RTN4: variants seen among roughly 807,000 people sequenced by gnomAD.
RTN4 encodes reticulon 4.
A neutral mutation model predicts 90.4 loss-of-function variants in RTN4; 32 were observed. The observed-to-expected ratio is 0.35, with a 90% CI of 0.27 to 0.48. The LOEUF (loss-of-function observed/expected upper bound fraction) is 0.48, where lower values mean the gene tolerates loss of function less well. Among genes scored for constraint, RTN4 ranks in the 20% least tolerant of loss-of-function variants. The pLI is 0.99. For synonymous variants in RTN4, 629 were observed against 552.5 expected, an observed-to-expected ratio of 1.14 and a Z score of -1.94; for missense variants, 1,706 against 1,430.2, an observed-to-expected ratio of 1.19 and a Z score of -3.11.
At chr2:54,989,818 C>A (rs143780318) in intron 3 of RTN4, among the ~76,000 whole-genome samples, 276 of 152,228 alleles carry the variant, frequency 1.8e-3, no homozygotes, top group African/African-American at 5.9e-3. Context: ...AGAATGAATG[C>A]GACCTAGAAA....
intron 3 of RTN4, among the ~76,000 whole-genome samples, chr2:55,023,788 C>G (rs1558816357): frequency 6.6e-6 from 1 of 152,140 alleles, no homozygotes; most frequent in Admixed American, 6.6e-5. Flanking sequence ...TAGCCATGCC[C>G]ATGCACACCA....
At chr2:55,116,200 T>TTA (rs963493858), upstream of RTN4, among the ~76,000 whole-genome samples, 4 of 150,614 alleles carry the variant, frequency 2.7e-5, no homozygotes, top group African/African-American at 9.8e-5. Flanking sequence ...AGTGCTAGGA[T>TTA]TATAGGCATG....
Position 55,033,091 on chromosome 2 carries a change from A to C in RTN4, c.557-4871T>G, listed in dbSNP as rs528735023. ...GAAAAAATGGCCTAAAATTGGACAG[A>C]AGTTGGCATTTTGAAAATACCAACC... On this transcript the variant is annotated intron_variant, in intron 1 of 8. Coordinates refer to ENST00000337526, the MANE Select transcript of RTN4 (RefSeq NM_020532.5). Among the ~76,000 whole-genome samples the C allele has an allele frequency of 7.9e-5, 12 of 152,030 alleles. No individual in the cohort carries two copies. The South Asian group carries it at 1.9e-3, about 24-fold the overall frequency.
chr2:54,998,205 G>A (rs760677695), intron 3 of RTN4, among the ~76,000 whole-genome samples: 3 of 147,496 alleles, frequency 2.0e-5, no homozygotes, highest in Admixed American at 1.3e-4. Flanking sequence ...GGGAAGAGGA[G>A]TGACTGCTAG....
At chr2:54,992,945 G>A (rs1451073484) in intron 3 of RTN4, among the ~76,000 whole-genome samples, 3 of 151,720 alleles carry the variant, frequency 2.0e-5, no homozygotes, top group Non-Finnish European at 2.9e-5. Flanking sequence ...TTGGTGGTGG[G>A]CACCTGTAGT....
chr2:55,050,115 C>A lies in RTN4; in HGVS notation c.186G>T (p.Gly62=). ...CGGTGGGCACTGGGGCCGCGGACAG[C>A]CCGGCGGCGGGCTTCCTCTCCAGCA... ...LEVLERKPAA[G]LSAAPVPTAP... Residue 62 remains glycine (G), a synonymous_variant, in exon 1 of 9, where the codon GGG becomes GGT. Transcript: ENST00000337526. The surrounding 1 kb of genome is among the most constrained non-coding windows in gnomAD (Gnocchi z 4.6). The A allele has an allele frequency of 6.6e-7, 1 of 1,506,080 alleles. No individual in the cohort carries two copies. The allele number at this position is 1,506,080 out of a possible 1,614,324, so 93.3% of individuals were successfully genotyped here.
At chr2:55,126,657 C>T in the RTN4 span, among the ~76,000 whole-genome samples, 722 of 152,280 alleles carry the variant, frequency 4.7e-3, 3 homozygotes, top group Admixed American at 0.01. Flanking sequence ...ACCATTCGAC[C>T]CAGCAATCCC....
the RTN4 span, among the ~76,000 whole-genome samples, chr2:55,122,861 C>A: frequency 6.6e-5 from 10 of 152,358 alleles, no homozygotes; most frequent in African/African-American, 2.2e-4. Flanking sequence ...CAGCCAGAGC[C>A]CTGGGACAGG....
At position 55,049,802 on chromosome 2, in the gene RTN4, C is replaced by A. The variant is rs774502943; in HGVS notation, c.499G>T (p.Ala167Ser). ...GCGGCCGGGGTGGAGGGGGGCGCGG[C>A]GGGAGCCGGGGCTGGCGGGGTCCAC... ...PVWTPPAPAPAAPPSTPAAPK... is the reference protein window; with the variant it reads ...PVWTPPAPAPSAPPSTPAAPK... Residue 167 changes from alanine to serine, a missense_variant, in exon 1 of 9, where the codon GCC (alanine) becomes TCC (serine). By Grantham distance (99) the Ala-to-Ser change is moderately conservative. Transcript: ENST00000337526. 3.5e-6 allele frequency: 4 copies of A among 1,138,956 alleles called. No homozygotes were observed. The highest frequency in any genetic ancestry group is 1.1e-4 in the East Asian group (2 of 18,608). 70.6% of individuals were successfully genotyped at this position (1,138,956 alleles called of 1,614,324 possible).
intron 3 of RTN4, among the ~76,000 whole-genome samples, chr2:55,009,791 C>T (rs866898917): frequency 2.2e-4 from 33 of 152,140 alleles, no homozygotes; most frequent in African/African-American, 6.3e-4. Context: ...ATCCAAGTGA[C>T]GAACAAATGA....
chr2:54,996,053 G>A (rs538298637), intron 3 of RTN4, among the ~76,000 whole-genome samples: 3 of 152,166 alleles, frequency 2.0e-5, no homozygotes, highest in African/African-American at 7.2e-5. Flanking sequence ...TACAAAAATT[G>A]TATTTCTATA....
Position 55,027,071 on chromosome 2 carries a change from T to G in RTN4, c.1028A>C (p.Gln343Pro), listed in dbSNP as rs755649645. The G allele has an allele frequency of 1.2e-6, 2 of 1,613,506 alleles. No individual in the cohort carries two copies. Among genetic ancestry groups the G allele is most frequent in the Non-Finnish European group, 8.5e-7 (1 of 1,179,786 alleles). Residue 343 changes from glutamine to proline, a missense_variant, in exon 3 of 9, where the codon CAA becomes CCA. Coordinates refer to ENST00000337526, the MANE Select transcript of RTN4 (RefSeq NM_020532.5). ...AGTAAGAGCTGTAGGTAACTCTTGTTGATTATGAAGGATGTTATTACTAAC... is the reference window on the plus strand; with the variant it reads ...AGTAAGAGCTGTAGGTAACTCTTGTGGATTATGAAGGATGTTATTACTAAC... ...KLVSNNILHN[Q>P]QELPTALTKL...
chr2:55,012,570 C>A (rs896133878), intron 3 of RTN4, among the ~76,000 whole-genome samples: 4 of 152,130 alleles, frequency 2.6e-5, no homozygotes, highest in Admixed American at 2.0e-4. Flanking sequence ...GCCAGATGGG[C>A]TATGTTTATT....
intron 8 of RTN4, 39 bp downstream of exon 8, chr2:54,973,524 C>T (rs760453539): frequency 2.0e-6 from 3 of 1,464,468 alleles, no homozygotes; most frequent in Non-Finnish European, 1.9e-6. Flanking sequence ...TCCAGCACAC[C>T]TTATCCTAGT....
At chr2:54,974,863 G>C (rs118130237) in intron 5 of RTN4, 99 bp from the exon 6 acceptor site, 153 of 922,410 alleles carry the variant, frequency 1.7e-4, no homozygotes, top group East Asian at 1.4e-3. Flanking sequence ...ACCTACAAAA[G>C]GCATACAACT....
intron 1 of RTN4, among the ~76,000 whole-genome samples, chr2:55,087,475 A>G (rs2968798): frequency 0.27 from 41,631 of 152,096 alleles, 6,716 homozygotes; most frequent in East Asian, 0.59. Flanking sequence ...AAATGCTACT[A>G]TATCATGCTG....
chr2:55,002,724 T>C (rs1166664938), intron 3 of RTN4, among the ~76,000 whole-genome samples: 1 of 152,204 alleles, frequency 6.6e-6, no homozygotes, highest in Non-Finnish European at 1.5e-5. Context: ...TAAAGCTAAA[T>C]ATCTTCTCTT....
At chr2:55,000,408 G>A (rs925651753) in intron 3 of RTN4, among the ~76,000 whole-genome samples, 1 of 151,998 alleles carries the variant, frequency 6.6e-6, no homozygotes, top group Non-Finnish European at 1.5e-5. Context: ...CTTTGATAAC[G>A]TTACAGTGCT....
intron 4 of RTN4, among the ~76,000 whole-genome samples, chr2:54,986,832 T>G (rs1678597623): frequency 6.6e-6 from 1 of 152,128 alleles, no homozygotes. Context: ...CCAATGAGTT[T>G]TATGGTATAT....
Sources: gnomAD v4.1 joint callset for allele counts (sites outside exome capture counted in the v4.1 genomes callset) on GRCh38, gnomAD v4.1.1 for gene constraint, Gnocchi (gnomAD v3.1) non-coding constraint, MANE v1.5 for transcripts, NCBI Gene and HGNC (gene_info 2026-07-23, HGNC 2026-07-21) for gene names.